Variants in MCCC1 observed in about 807,000 individuals in gnomAD.
MCCC1 encodes the protein methylcrotonoyl-CoA carboxylase subunit alpha, mitochondrial.
A neutral mutation model predicts 83.8 loss-of-function variants in MCCC1; 64 were observed. The ratio of observed to expected loss-of-function variants is 0.76; its 90% CI spans 0.62 to 0.94. MCCC1 has a LOEUF of 0.94. MCCC1 is among the 40% of genes least tolerant of loss of function. The pLI is 0.00. For missense variants in MCCC1, 807 were observed against 904.7 expected, an observed-to-expected ratio of 0.89 and a Z score of 1.39; for synonymous variants, 322 against 315.4, an observed-to-expected ratio of 1.02 and a Z score of -0.22.
At chr3:183,080,621 C>T (rs372347019) in intron 4 of MCCC1, among the ~76,000 whole-genome samples, 22 of 152,346 alleles carry the variant, frequency 1.4e-4, no homozygotes, top group Middle Eastern at 3.4e-3. Context: ...TGCCTGTTAC[C>T]GAGTTCCAAA....
At chr3:183,020,356 GC>G in intron 16 of MCCC1, 119 bp from the exon 17 acceptor site, 2 of 863,128 alleles carry the variant, frequency 2.3e-6, no homozygotes, top group Non-Finnish European at 3.7e-6. Context: ...TCATGGCCAG[GC>G]CCAGTGGCTC....
chr3:183,108,451 T>G (rs1719440410), intron 1 of MCCC1, among the ~76,000 whole-genome samples: 1 of 152,224 alleles, frequency 6.6e-6, no homozygotes, highest in African/African-American at 2.4e-5. Flanking sequence ...GTCTGCCAGG[T>G]TTCCTCACTG....
intron 1 of MCCC1, among the ~76,000 whole-genome samples, chr3:183,108,528 A>G (rs7618830): frequency 0.79 from 120,718 of 152,004 alleles, 48,135 homozygotes; most frequent in South Asian, 0.82. Context: ...TTCATTCTCC[A>G]CCACTCCTTC....
intron 11 of MCCC1, among the ~76,000 whole-genome samples, chr3:183,039,802 T>C (rs1386689274): frequency 6.6e-6 from 1 of 151,938 alleles, no homozygotes; most frequent in Non-Finnish European, 1.5e-5. Flanking sequence ...GAGTCCTCGT[T>C]GATAAGATTA....
intron 15 of MCCC1, among the ~76,000 whole-genome samples, chr3:183,024,812 A>C (rs1416062430): frequency 6.6e-6 from 1 of 152,152 alleles, no homozygotes; most frequent in Non-Finnish European, 1.5e-5. Context: ...AGGACAAAAA[A>C]CAGGGTCTTA....
chr3:183,102,520 TATA>T (rs1176496331), upstream of MCCC1, among the ~76,000 whole-genome samples: 1 of 152,044 alleles, frequency 6.6e-6, no homozygotes, highest in Non-Finnish European at 1.5e-5. Flanking sequence ...GAGAAAAACT[TATA>T]TTCACAGAGG....
chr3:183,075,852 C>T (rs1281492278), intron 4 of MCCC1, among the ~76,000 whole-genome samples: 1 of 152,208 alleles, frequency 6.6e-6, no homozygotes, highest in Middle Eastern at 3.4e-3. Flanking sequence ...CCTTTGCCCA[C>T]TTTTTAATGG....
intron 13 of MCCC1, among the ~76,000 whole-genome samples, chr3:183,035,281 T>A (rs997487879): frequency 6.6e-6 from 1 of 152,218 alleles, no homozygotes; most frequent in African/African-American, 2.4e-5. Flanking sequence ...TAGATGCATT[T>A]TCATTCAATG....
intron 7 of MCCC1, among the ~76,000 whole-genome samples, chr3:183,070,307 T>C (rs1716563402): frequency 6.6e-6 from 1 of 152,128 alleles, no homozygotes; most frequent in African/African-American, 2.4e-5. Context: ...CTAAATTTCA[T>C]CAACAAGAAA....
chr3:183,026,953 G>T (rs1466851573), intron 14 of MCCC1, among the ~76,000 whole-genome samples: 1 of 152,288 alleles, frequency 6.6e-6, no homozygotes, highest in East Asian at 1.9e-4. Context: ...TGCACATTCT[G>T]CAGATACTAT....
chr3:183,031,815 T>A lies in MCCC1; in HGVS notation c.1681+2176A>T, dbSNP rs570163357. On this transcript the variant is annotated intron_variant, in intron 14 of 18. Coordinates refer to ENST00000265594, the MANE Select transcript of MCCC1 (RefSeq NM_020166.5). ...GCCTGGCACTTCTGGTATCTTTTTT[T>A]TTTTTTTTCCTTTTTAAAAATTTTT... 1.4e-3 allele frequency among the ~76,000 whole-genome samples: 216 copies of A among 151,524 alleles called. 2 individuals carry two copies. Among genetic ancestry groups the A allele is most frequent in the African/African-American group, 4.9e-3 (201 of 41,398 alleles).
At chr3:183,037,501 C>T in intron 12 of MCCC1, 67 bp from the exon 13 acceptor site, 1 of 1,256,050 alleles carries the variant, frequency 8.0e-7, no homozygotes, top group Non-Finnish European at 1.2e-6. Flanking sequence ...AAACCATCTG[C>T]TCTTTTTATC....
intron 13 of MCCC1, 126 bp downstream of exon 13, chr3:183,037,092 T>G (rs1262727792): frequency 2.2e-6 from 2 of 907,102 alleles, no homozygotes; most frequent in African/African-American, 1.6e-5. Context: ...AAAACACATC[T>G]GAAAAGAATG....
chr3:183,037,663 G>C (rs917296420), intron 12 of MCCC1, among the ~76,000 whole-genome samples: 5 of 152,132 alleles, frequency 3.3e-5, no homozygotes, highest in African/African-American at 4.8e-5. Context: ...ATCTGGACTT[G>C]ACACTAAAAA....
At position 183,057,342 on chromosome 3, in the gene MCCC1, C is replaced by T. The variant is rs754437245; in HGVS notation, c.842G>A (p.Arg281Gln). Residue 281 changes from arginine to glutamine, a missense_variant, in exon 8 of 19, where the codon CGA becomes CAA. Physicochemically the swap from Arg to Gln is conservative, Grantham distance 43. Transcript: ENST00000265594. Reference sequence around the variant, plus strand: ...GGCCTCCTCAATGATCTTCTGATGTCGCCTCTGCACACTACAGTCTCTTTC... The same window carrying T: ...GGCCTCCTCAATGATCTTCTGATGTTGCCTCTGCACACTACAGTCTCTTTC... ...LFERDCSVQR[R>Q]HQKIIEEAPA... 11 of 1,609,266 alleles carry T rather than the reference C, an allele frequency of 6.8e-6. No homozygotes were observed. Among genetic ancestry groups the T allele is most frequent in the East Asian group, 4.5e-5 (2 of 44,876 alleles).
At chr3:183,094,869 A>C (rs895080649) in intron 1 of MCCC1, among the ~76,000 whole-genome samples, 5 of 152,198 alleles carry the variant, frequency 3.3e-5, no homozygotes, top group Admixed American at 1.3e-4. Context: ...AGATGATTAA[A>C]CAACCAAGGT....
intron 4 of MCCC1, among the ~76,000 whole-genome samples, chr3:183,081,282 G>A (rs1283527924): frequency 6.6e-6 from 1 of 152,218 alleles, no homozygotes; most frequent in African/African-American, 2.4e-5. Flanking sequence ...TCACCCTGGT[G>A]GGTCATAGGA....
intron 3 of MCCC1, 40 bp downstream of exon 3, chr3:183,092,369 G>T (rs566015577): frequency 6.2e-7 from 1 of 1,613,268 alleles, no homozygotes; most frequent in East Asian, 2.2e-5. Flanking sequence ...CACAGTAAAC[G>T]AATAAACGTA....
intron 10 of MCCC1, among the ~76,000 whole-genome samples, chr3:183,044,347 G>T (rs1456390309): frequency 1.3e-5 from 2 of 152,122 alleles, no homozygotes; most frequent in Non-Finnish European, 2.9e-5. Context: ...TGGAATTCTG[G>T]TTTACACCAG....
Sources: gnomAD v4.1 joint callset for allele counts (sites outside exome capture counted in the v4.1 genomes callset) on GRCh38, gnomAD v4.1.1 for gene constraint, MANE v1.5 for transcripts, NCBI Gene and HGNC (gene_info 2026-07-23, HGNC 2026-07-21) for gene names.